LARGE1: variants seen among roughly 807,000 people sequenced by gnomAD.
LARGE1 encodes the protein xylosyl- and glucuronyltransferase LARGE1.
A neutral mutation model predicts 87.6 loss-of-function variants in LARGE1; 43 were observed. The observed-to-expected ratio is 0.49, with a 90% CI of 0.38 to 0.63. The LOEUF (loss-of-function observed/expected upper bound fraction) is 0.63, where lower values mean the gene tolerates loss of function less well. Ranked by LOEUF, LARGE1 falls within the 30% of genes least tolerant of loss-of-function variation. The probability of loss-of-function intolerance (pLI) is 0.00; values close to 1 mark genes in which losing one functional copy is unlikely to be tolerated. For synonymous variants in LARGE1, 434 were observed against 394.6 expected (o/e 1.10, Z -1.18); for missense variants, 802 against 1,000.2 (o/e 0.80, Z 2.67).
intron 4 of LARGE1, among the ~76,000 whole-genome samples, chr22:33,622,064 C>T (rs1424084190): frequency 9.9e-5 from 15 of 152,130 alleles, no homozygotes; most frequent in Admixed American, 8.5e-4. Context: ...AGTGGTGCTA[C>T]TTGGCAACCT....
intron 7 of LARGE1, among the ~76,000 whole-genome samples, chr22:33,415,750 A>G (rs935640418): frequency 1.6e-4 from 25 of 152,338 alleles, no homozygotes; most frequent in African/African-American, 4.8e-4. Flanking sequence ...AACAGGCTGC[A>G]GCCACAGCCC....
chr22:33,907,829 C>T (rs1300339335), intron 1 of LARGE1, among the ~76,000 whole-genome samples: 1 of 152,124 alleles, frequency 6.6e-6, no homozygotes, highest in Non-Finnish European at 1.5e-5. Context: ...AATCTCCTGA[C>T]CTCGTGATCC....
rs971944721 is a variant in LARGE1 at position 33,206,305 on chromosome 22, T to G, written c.1731-39473A>C. Among the ~76,000 whole-genome samples the G allele has an allele frequency of 2.0e-5, 3 of 152,008 alleles. No individual in the cohort carries two copies. The East Asian group carries it at 5.8e-4, about 29-fold the overall frequency. On this transcript the variant is annotated intron_variant, in intron 11 of 11. Transcript: ENST00000608642. ...CGGGGTTTCACCATGTTGGCCAGGC[T>G]GGTCTCGAACCCCTGACCTCAAGTG...
At chr22:33,649,119 G>A (rs553568539) in intron 3 of LARGE1, among the ~76,000 whole-genome samples, 1 of 152,262 alleles carries the variant, frequency 6.6e-6, no homozygotes, top group Admixed American at 6.5e-5. Context: ...TCTGTCGGAT[G>A]CTCTCTACCT....
intron 2 of LARGE1, among the ~76,000 whole-genome samples, chr22:33,691,221 C>T (rs1169039952): frequency 6.6e-6 from 1 of 151,986 alleles, no homozygotes; most frequent in Non-Finnish European, 1.5e-5. Context: ...GATGTGGAGG[C>T]AGCCACAACT....
Position 33,517,704 on chromosome 22 carries a change from G to C in LARGE1, c.787+47144C>G, listed in dbSNP as rs1206879009. 2.0e-5 allele frequency among the ~76,000 whole-genome samples: 3 copies of C among 152,310 alleles called. No homozygotes were observed. The East Asian group carries it at 5.8e-4, about 29-fold the overall frequency. On this transcript the variant is annotated intron_variant, in intron 6 of 14. Coordinates refer to ENST00000397394, the MANE Select transcript of LARGE1 (RefSeq NM_133642.5). ...GTGAGCCACTGTGCCGGGCCGCCCA[G>C]AGAATTTTGTATACAACTTCTGAGA...
At chr22:33,522,815 CA>C (rs2071677760) in intron 6 of LARGE1, among the ~76,000 whole-genome samples, 1 of 148,456 alleles carries the variant, frequency 6.7e-6, no homozygotes, top group Non-Finnish European at 1.5e-5. Flanking sequence ...TGGTCAACAG[CA>C]AGACTCTATC....
In LARGE1 at chr22:33,697,183, T is replaced by C. The variant is rs563423319; in HGVS notation, c.107-46515A>G. 1.8e-4 allele frequency among the ~76,000 whole-genome samples: 28 copies of C among 152,302 alleles called. No homozygotes were observed. In the East Asian group the frequency reaches 4.1e-3, roughly 22 times the overall value. ...TGAACAAGGGATGTTATTTTCTTTTTGAGGCAGCTGTCGTTAGAGCTCTGA... is the reference window on the plus strand; with the variant it reads ...TGAACAAGGGATGTTATTTTCTTTTCGAGGCAGCTGTCGTTAGAGCTCTGA... On this transcript the variant is annotated intron_variant, in intron 2 of 14. Coordinates refer to ENST00000397394, the MANE Select transcript of LARGE1 (RefSeq NM_133642.5).
chr22:33,316,140 C>T lies in LARGE1; in HGVS notation c.1396G>A (p.Glu466Lys), dbSNP rs774223611. Reference sequence around the variant, plus strand: ...ACGTCCGTGCTGTCTGCTGCAGGCTCATACTCGTAGTGCAGGAAGTACAGG... The same window carrying T: ...ACGTCCGTGCTGTCTGCTGCAGGCTTATACTCGTAGTGCAGGAAGTACAGG... The part of the protein sequence containing the change: ...THLYFLHYEY[E>K]PAADSTDVTL... Residue 466 changes from glutamate to lysine, a missense_variant, in exon 11 of 15, where the codon GAG becomes AAG. By Grantham distance (56) the Glu-to-Lys change is moderately conservative (BLOSUM62 1). Transcript: ENST00000397394. 10 of 1,614,142 alleles carry T rather than the reference C, an allele frequency of 6.2e-6. No homozygotes were observed. Among genetic ancestry groups the T allele is most frequent in the Non-Finnish European group, 8.5e-6 (10 of 1,180,016 alleles).
At chr22:33,390,100 G>A (rs779311768) in intron 7 of LARGE1, among the ~76,000 whole-genome samples, 3 of 152,060 alleles carry the variant, frequency 2.0e-5, no homozygotes, top group Non-Finnish European at 4.4e-5. Flanking sequence ...TAAAACAACC[G>A]CAACCTCTGC....
At position 33,222,933 on chromosome 22, in the gene LARGE1, C is replaced by T. The variant is rs5994702; in HGVS notation, c.1731-56101G>A. The stretch of plus-strand genomic sequence containing the variant: ...ATGACTTAAACTACAGAGTTGCAGG[C>T]CCCCCCAGTCTCCCCTAAATGGGGT... On this transcript the variant is annotated intron_variant, in intron 11 of 11. Transcript: ENST00000608642. Among the ~76,000 whole-genome samples the T allele has an allele frequency of 4.8e-3, 730 of 152,124 alleles. 7 individuals are homozygous for T. The highest frequency in any genetic ancestry group is 0.017 in the African/African-American group (690 of 41,494).
chr22:33,432,526 G>T (rs920070933), intron 6 of LARGE1, among the ~76,000 whole-genome samples: 3 of 152,162 alleles, frequency 2.0e-5, no homozygotes, highest in African/African-American at 7.2e-5. Context: ...ATTTGCTGCA[G>T]GTCACCTAGT....
At chr22:33,385,486 C>T (rs1280273185) in intron 7 of LARGE1, among the ~76,000 whole-genome samples, 1 of 132,078 alleles carries the variant, frequency 7.6e-6, no homozygotes, top group African/African-American at 2.9e-5. Context: ...TGAGATCGTG[C>T]CACGGCACTC....
chr22:33,545,240 C>T (rs186930194), intron 6 of LARGE1, among the ~76,000 whole-genome samples: 1 of 151,356 alleles, frequency 6.6e-6, no homozygotes, highest in Non-Finnish European at 1.5e-5. Flanking sequence ...TACACCTGAC[C>T]AGAACACCTA....
intron 12 of LARGE1, among the ~76,000 whole-genome samples, chr22:33,294,681 C>T (rs5754510): frequency 0.12 from 17,958 of 152,182 alleles, 1,387 homozygotes; most frequent in African/African-American, 0.22. Context: ...GACTGTTTCG[C>T]TCACTGGTGG....
At chr22:33,517,365 T>A (rs1341142424) in intron 6 of LARGE1, among the ~76,000 whole-genome samples, 1 of 152,124 alleles carries the variant, frequency 6.6e-6, no homozygotes, top group Non-Finnish European at 1.5e-5. Flanking sequence ...CTGAACTCGG[T>A]GGAGTAGAGC....
chr22:33,423,410 C>T (rs1466693307), intron 7 of LARGE1, among the ~76,000 whole-genome samples: 4 of 151,902 alleles, frequency 2.6e-5, no homozygotes, highest in South Asian at 2.1e-4. Context: ...GGCACGGTGG[C>T]TCACGCCTGT....
At chr22:33,850,515 C>A (rs531296072) in intron 1 of LARGE1, among the ~76,000 whole-genome samples, 4 of 152,118 alleles carry the variant, frequency 2.6e-5, no homozygotes, top group Non-Finnish European at 4.4e-5. Context: ...GGAAGCAACA[C>A]CCACAAATGC....
intron 1 of LARGE1, among the ~76,000 whole-genome samples, chr22:33,869,963 A>G (rs1319572958): frequency 6.6e-6 from 1 of 152,142 alleles, no homozygotes; most frequent in East Asian, 1.9e-4. Flanking sequence ...CTCGCATTTC[A>G]CCCTAGTTAT....
Sources: allele counts gnomAD v4.1 joint callset (sites outside exome capture counted in the v4.1 genomes callset), GRCh38; gene constraint gnomAD v4.1.1; transcripts MANE v1.5; gene names NCBI Gene and HGNC (gene_info 2026-07-23, HGNC 2026-07-21).